Variants in MCUB observed in about 807,000 individuals in gnomAD.
MCUB encodes the protein mitochondrial calcium uniporter dominant negative subunit beta, also known as calcium uniporter regulatory subunit MCUb, mitochondrial.
In MCUB, 46 loss-of-function variants were observed where a neutral mutation model predicts 41.4. The ratio of observed to expected loss-of-function variants is 1.11; its 90% CI spans 0.88 to 1.42. The LOEUF (loss-of-function observed/expected upper bound fraction) is 1.42. Among genes scored for constraint, MCUB ranks in the 40% most tolerant of loss-of-function variants. The pLI is 0.00. For synonymous variants in MCUB, 148 were observed against 148.2 expected (o/e 1.00, Z 0.01); for missense variants, 403 against 404.9 (o/e 1.00, Z 0.04).
At chr4:109,579,863 C>A (rs1404918909) in intron 1 of MCUB, among the ~76,000 whole-genome samples, 2 of 152,068 alleles carry the variant, frequency 1.3e-5, no homozygotes, top group Non-Finnish European at 2.9e-5. Context: ...ACCAAATCCC[C>A]AAAAATGAAC....
chr4:109,652,828 A>G (rs918739628), intron 1 of MCUB, among the ~76,000 whole-genome samples: 3 of 152,230 alleles, frequency 2.0e-5, no homozygotes, highest in African/African-American at 7.2e-5. Context: ...TTTCCTTAGC[A>G]TCTTGAAAAC....
Position 109,684,498 on chromosome 4 carries a change from C to T in MCUB, c.668C>T (p.Ala223Val). 1.2e-6 allele frequency: 2 copies of T among 1,613,980 alleles called. No individual in the cohort carries two copies. Among genetic ancestry groups the T allele is most frequent in the Non-Finnish European group, 1.7e-6 (2 of 1,179,970 alleles). ...SEAKTSGLLW[A>V]GLALLSIQGG... ...GCCAAAACCAGTGGACTCCTGTGGG[C>T]TGGATTGGCACTGCTGTCCATTCAG... Residue 223 changes from alanine (A) to valine (V), a missense_variant, in exon 6 of 8, where the codon GCT becomes GTT. Coordinates refer to ENST00000394650, the MANE Select transcript of MCUB (RefSeq NM_017918.5).
chr4:109,639,940 G>C (rs918498509), intron 1 of MCUB, among the ~76,000 whole-genome samples: 3 of 152,166 alleles, frequency 2.0e-5, no homozygotes, highest in Non-Finnish European at 4.4e-5. Context: ...CAGGTGTCAC[G>C]TGCGTTTGTA....
chr4:109,667,151 G>A (rs890274401), intron 4 of MCUB, among the ~76,000 whole-genome samples: 1 of 152,060 alleles, frequency 6.6e-6, no homozygotes, highest in African/African-American at 2.4e-5. Context: ...GAAAGAGATT[G>A]TAGATAATTA....
intron 1 of MCUB, among the ~76,000 whole-genome samples, chr4:109,633,502 C>T (rs984906670): frequency 6.6e-6 from 1 of 152,104 alleles, no homozygotes; most frequent in Non-Finnish European, 1.5e-5. Flanking sequence ...ATCTCCTGAC[C>T]TCATAATCTG....
At chr4:109,571,236 G>A (rs762587504) in intron 1 of MCUB, among the ~76,000 whole-genome samples, 14 of 151,924 alleles carry the variant, frequency 9.2e-5, no homozygotes, top group South Asian at 4.1e-4. Flanking sequence ...TTTAAGAAAC[G>A]AATTTTATAT....
intron 1 of MCUB, among the ~76,000 whole-genome samples, chr4:109,627,684 A>G (rs1157818813): frequency 6.6e-6 from 1 of 152,174 alleles, no homozygotes; most frequent in Non-Finnish European, 1.5e-5. Context: ...AGACCAAGGT[A>G]GGCGGATCAC....
intron 1 of MCUB, among the ~76,000 whole-genome samples, chr4:109,617,853 C>A (rs1728165689): frequency 6.6e-6 from 1 of 152,026 alleles, no homozygotes; most frequent in Admixed American, 6.6e-5. Context: ...TCTTTTTATA[C>A]CTACTTTAGG....
chr4:109,642,386 A>G (rs961972942), intron 1 of MCUB, among the ~76,000 whole-genome samples: 1 of 152,226 alleles, frequency 6.6e-6, no homozygotes, highest in African/African-American at 2.4e-5. Context: ...AAAGCCTCAT[A>G]CTGAGATTAT....
intron 1 of MCUB, among the ~76,000 whole-genome samples, chr4:109,614,204 T>C (rs550440111): frequency 5.3e-5 from 8 of 152,296 alleles, no homozygotes; most frequent in Admixed American, 1.3e-4. Flanking sequence ...CATTACAGCG[T>C]CAGCTCAAAG....
intron 1 of MCUB, among the ~76,000 whole-genome samples, chr4:109,580,143 C>T (rs1207840603): frequency 6.6e-6 from 1 of 152,104 alleles, no homozygotes; most frequent in African/African-American, 2.4e-5. Context: ...GGTTTTCTGT[C>T]CTTGCAATAG....
At chr4:109,623,374 T>TTA (rs1728293965) in intron 1 of MCUB, among the ~76,000 whole-genome samples, 1 of 152,212 alleles carries the variant, frequency 6.6e-6, no homozygotes, top group African/African-American at 2.4e-5. Flanking sequence ...GATGATCCTA[T>TTA]TATACACAAG....
At chr4:109,644,935 T>C (rs1319646974) in intron 1 of MCUB, among the ~76,000 whole-genome samples, 1 of 152,212 alleles carries the variant, frequency 6.6e-6, no homozygotes, top group East Asian at 1.9e-4. Flanking sequence ...AGGTTAGTAG[T>C]AGTCTGAACC....
At chr4:109,663,777 C>G (rs1307798446) in intron 3 of MCUB, among the ~76,000 whole-genome samples, 1 of 152,190 alleles carries the variant, frequency 6.6e-6, no homozygotes, top group Non-Finnish European at 1.5e-5. Flanking sequence ...TGGACTCTGG[C>G]TAAGCAGAGG....
At chr4:109,572,071 T>A (rs1011579889) in intron 1 of MCUB, among the ~76,000 whole-genome samples, 1 of 152,248 alleles carries the variant, frequency 6.6e-6, no homozygotes, top group Admixed American at 6.5e-5. Context: ...CACTTATAAG[T>A]GTTCCTCAGC....
At chr4:109,655,160 A>G (rs1729062471) in intron 1 of MCUB, among the ~76,000 whole-genome samples, 1 of 152,248 alleles carries the variant, frequency 6.6e-6, no homozygotes, top group African/African-American at 2.4e-5. Flanking sequence ...TCTAAAGGAT[A>G]CAGCTAAACT....
Position 109,560,346 on chromosome 4 carries a change from G to C in MCUB, c.9G>C (p.Gln3His). 7.7e-7 allele frequency: 1 copy of C among 1,302,174 alleles called. No individual in the cohort carries two copies. The highest frequency in any genetic ancestry group is 9.7e-7 in the Non-Finnish European group (1 of 1,025,988). The allele number at this position is 1,302,174 out of a possible 1,614,324, so 80.7% of individuals were successfully genotyped here. The part of the protein sequence containing the change: ML[Q>H]RGLWPWRTRL... The stretch of plus-strand genomic sequence containing the variant: ...GCGCCTGGGGCGGGAGGATGCTCCA[G>C]AGGGGCCTCTGGCCGTGGCGCACGC... The change falls in exon 1 of 8, where the codon CAG becomes CAC. Residue 3 changes from glutamine (Q) to histidine (H), a missense_variant. By Grantham distance (24) the Gln-to-His change is conservative. Coordinates refer to ENST00000394650, the MANE Select transcript of MCUB (RefSeq NM_017918.5).
chr4:109,644,550 A>G (rs1048577924), intron 1 of MCUB, among the ~76,000 whole-genome samples: 2 of 152,186 alleles, frequency 1.3e-5, no homozygotes, highest in African/African-American at 4.8e-5. Flanking sequence ...AGGCATTTCC[A>G]TTTTATATAC....
chr4:109,687,428 G>T, intron 7 of MCUB, 87 bp from the exon 8 acceptor site: 1 of 882,688 alleles, frequency 1.1e-6, no homozygotes. Context: ...GTAAGGAGAC[G>T]CTAAGTTTAT....
Sources: allele counts gnomAD v4.1 joint callset (sites outside exome capture counted in the v4.1 genomes callset), GRCh38; gene constraint gnomAD v4.1.1; transcripts MANE v1.5; gene names NCBI Gene and HGNC (gene_info 2026-07-23, HGNC 2026-07-21).